Variants in FER observed in about 807,000 individuals in gnomAD.
FER encodes the protein FER tyrosine kinase.
FER carries 63 observed loss-of-function variants against 111.0 expected under a neutral mutation model. That is an observed-to-expected ratio of 0.57 (90% CI 0.46 to 0.70). FER has a LOEUF of 0.70. Among genes scored for constraint, FER ranks in the 30% least tolerant of loss-of-function variants. FER has a pLI of 0.00. For missense variants in FER, 914 were observed against 954.0 expected (o/e 0.96, Z 0.55); for synonymous variants, 327 against 313.9 (o/e 1.04, Z -0.44).
Position 108,812,533 on chromosome 5 carries a change from G to T in FER, c.207+14144G>T, listed in dbSNP as rs187280651. 3.5e-3 allele frequency among the ~76,000 whole-genome samples: 530 copies of T among 152,128 alleles called. 1 individual carries two copies. Among genetic ancestry groups the T allele is most frequent in the Non-Finnish European group, 4.8e-3 (324 of 67,958 alleles). On this transcript the variant is annotated intron_variant, in intron 3 of 19. Transcript: ENST00000281092. ...TATGACAATCTCTGCTATTTAGTTT[G>T]TGTGTTTAGACTATTTCATTTAGTG...
At chr5:108,997,113 C>T (rs757601884) in intron 13 of FER, among the ~76,000 whole-genome samples, 1 of 151,902 alleles carries the variant, frequency 6.6e-6, no homozygotes, top group Non-Finnish European at 1.5e-5. Flanking sequence ...GATTTTGTAT[C>T]CTGAGACTTT....
At chr5:109,062,909 C>T (rs904336997) in intron 16 of FER, among the ~76,000 whole-genome samples, 5 of 152,118 alleles carry the variant, frequency 3.3e-5, no homozygotes, top group African/African-American at 1.2e-4. Flanking sequence ...TCAAACTCAT[C>T]GTAATTTTAA....
chr5:108,894,494 T>A (rs766809308), intron 9 of FER: 40 of 403,976 alleles, frequency 9.9e-5, no homozygotes, highest in Admixed American at 1.9e-4. Flanking sequence ...TCTCAGAGTC[T>A]ATGACACTGA....
At chr5:108,803,269 C>T (rs894121840) in intron 3 of FER, among the ~76,000 whole-genome samples, 4 of 152,070 alleles carry the variant, frequency 2.6e-5, no homozygotes, top group African/African-American at 9.7e-5. Context: ...TATTTTCTCC[C>T]ATTCTGTAGG....
chr5:108,937,035 A>G (rs1187456957), intron 10 of FER, among the ~76,000 whole-genome samples: 2 of 151,882 alleles, frequency 1.3e-5, no homozygotes, highest in Non-Finnish European at 2.9e-5. Context: ...TTTTTTTCTT[A>G]TGTGTCATTT....
At chr5:109,067,252 T>C (rs1271854320) in intron 16 of FER, among the ~76,000 whole-genome samples, 9 of 151,718 alleles carry the variant, frequency 5.9e-5, no homozygotes, top group Admixed American at 4.6e-4. Flanking sequence ...GTTGTTGTTG[T>C]TGTTGTTGTT....
intron 17 of FER, among the ~76,000 whole-genome samples, chr5:109,152,839 T>C (rs1451065843): frequency 6.6e-6 from 1 of 151,898 alleles, no homozygotes; most frequent in Non-Finnish European, 1.5e-5. Flanking sequence ...ATTACCACCA[T>C]CGTAATAAAA....
intron 13 of FER, among the ~76,000 whole-genome samples, chr5:108,962,718 C>CT (rs1759301194): frequency 6.6e-6 from 1 of 152,096 alleles, no homozygotes; most frequent in Non-Finnish European, 1.5e-5. Context: ...TCACATATTC[C>CT]TATAAAATAT....
At chr5:109,183,613 G>T (rs995369565) in intron 18 of FER, among the ~76,000 whole-genome samples, 2 of 152,082 alleles carry the variant, frequency 1.3e-5, no homozygotes, top group African/African-American at 2.4e-5. Flanking sequence ...ACTCAGAATA[G>T]GTGAAACACT....
At chr5:109,062,158 G>A (rs1774501952) in intron 16 of FER, among the ~76,000 whole-genome samples, 1 of 152,154 alleles carries the variant, frequency 6.6e-6, no homozygotes, top group South Asian at 2.1e-4. Flanking sequence ...TTACTTTATA[G>A]ACAAGTTATT....
At chr5:108,786,449 G>A (rs1004369778) in intron 2 of FER, among the ~76,000 whole-genome samples, 7 of 152,048 alleles carry the variant, frequency 4.6e-5, no homozygotes, top group South Asian at 2.1e-4. Flanking sequence ...TGAAACTTAC[G>A]GAATAAGGTT....
chr5:109,043,889 T>C (rs941341122), intron 14 of FER, among the ~76,000 whole-genome samples: 3 of 151,948 alleles, frequency 2.0e-5, no homozygotes, highest in African/African-American at 7.3e-5. Flanking sequence ...GAGAATTGCT[T>C]GAACCTGGGA....
chr5:108,751,013 A>G (rs1038266801), intron 1 of FER, among the ~76,000 whole-genome samples: 2 of 152,032 alleles, frequency 1.3e-5, no homozygotes, highest in African/African-American at 4.8e-5. Flanking sequence ...ACCAAAATGG[A>G]GAAACATGGT....
At chr5:108,962,333 C>G (rs1482099059) in intron 13 of FER, among the ~76,000 whole-genome samples, 1 of 152,154 alleles carries the variant, frequency 6.6e-6, no homozygotes, top group Admixed American at 6.5e-5. Context: ...ATGTATATGA[C>G]CTGTTCTTTA....
At chr5:108,898,606 C>G (rs1227601302) in intron 10 of FER, among the ~76,000 whole-genome samples, 3 of 137,442 alleles carry the variant, frequency 2.2e-5, no homozygotes, top group African/African-American at 8.1e-5. Context: ...TTCCCCTCCC[C>G]TTTCCTTCCT....
chr5:108,993,533 G>C (rs908998957), intron 13 of FER, among the ~76,000 whole-genome samples: 15 of 151,534 alleles, frequency 9.9e-5, no homozygotes, highest in Admixed American at 3.3e-4. Context: ...ACTGTGGAAA[G>C]AGAGGGAGAG....
chr5:109,083,204 G>A (rs1446595904), intron 16 of FER, among the ~76,000 whole-genome samples: 1 of 152,026 alleles, frequency 6.6e-6, no homozygotes, highest in Non-Finnish European at 1.5e-5. Context: ...TTTATTGAAA[G>A]CGGCTTTGAT....
intron 9 of FER, among the ~76,000 whole-genome samples, chr5:108,893,908 T>C (rs1322315591): frequency 1.3e-5 from 2 of 151,942 alleles, no homozygotes; most frequent in East Asian, 3.9e-4. Context: ...GCTGTATTAG[T>C]CTGTTTTCAC....
intron 2 of FER, among the ~76,000 whole-genome samples, chr5:108,792,448 C>A (rs1025932673): frequency 6.6e-6 from 1 of 152,206 alleles, no homozygotes; most frequent in Non-Finnish European, 1.5e-5. Context: ...AAGTGATTCA[C>A]CTGCCTCAGC....
Sources: allele counts gnomAD v4.1 joint callset (sites outside exome capture counted in the v4.1 genomes callset), GRCh38; gene constraint gnomAD v4.1.1; transcripts MANE v1.5; gene names NCBI Gene and HGNC (gene_info 2026-07-23, HGNC 2026-07-21).